Variants in ZSCAN25 observed in about 807,000 individuals in gnomAD.
ZSCAN25 encodes zinc finger and SCAN domain-containing protein 25.
ZSCAN25 carries 27 observed loss-of-function variants against 38.7 expected under a neutral mutation model. The ratio of observed to expected loss-of-function variants is 0.70; its 90% CI spans 0.51 to 0.96. The LOEUF is 0.96. ZSCAN25 is among the 40% of genes least tolerant of loss of function. The pLI is 0.00. For synonymous variants in ZSCAN25, 273 were observed against 277.7 expected (o/e 0.98, Z 0.17); for missense variants, 637 against 705.9 (o/e 0.90, Z 1.11).
At position 99,629,244 on chromosome 7, in the gene ZSCAN25, G is replaced by A. The variant is rs1035458399; in HGVS notation, c.859G>A (p.Ala287Thr). 5.6e-6 allele frequency: 9 copies of A among 1,613,960 alleles called. No individual in the cohort carries two copies. The highest frequency in any genetic ancestry group is 1.7e-5 in the Admixed American group (1 of 59,990). The part of the protein sequence containing the change: ...AKPPQEDLKG[A>T]LVALTSERFG... ...ACCCCCACAGGAAGACCTGAAAGGG[G>A]CGCTGGTGGCACTGACATCAGAGAG... The change falls in exon 8 of 8, where the codon GCG becomes ACG. Residue 287 changes from alanine (A) to threonine (T), a missense_variant. Ala to Thr is a moderately conservative substitution (Grantham distance 58). Transcript: ENST00000394152. The surrounding 1 kb of genome is among the most constrained non-coding windows in gnomAD (Gnocchi z 5.6).
the ZSCAN25 span, among the ~76,000 whole-genome samples, chr7:99,687,680 GAT>G: frequency 2.9e-4 from 44 of 152,282 alleles, no homozygotes; most frequent in South Asian, 4.8e-3. Flanking sequence ...ATGTCAAAAA[GAT>G]ACTCCTCGAG....
the ZSCAN25 span, among the ~76,000 whole-genome samples, chr7:99,673,462 C>G: frequency 6.6e-6 from 1 of 152,210 alleles, no homozygotes; most frequent in Non-Finnish European, 1.5e-5. Context: ...TATTCAGCAT[C>G]TCTTCTTCAA....
At position 99,630,229 on chromosome 7, in the gene ZSCAN25, C is replaced by A. The variant is rs891716284; in HGVS notation, c.*209C>A. 23 of 1,349,150 alleles carry A rather than the reference C, an allele frequency of 1.7e-5. No individual in the cohort carries two copies. Among genetic ancestry groups the A allele is most frequent in the Non-Finnish European group, 2.1e-5 (22 of 1,056,224 alleles). 83.6% of individuals were successfully genotyped at this position (1,349,150 alleles called of 1,614,324 possible). A position where few individuals can be genotyped will look rare whatever the true frequency, so the allele number is the denominator to read the frequency against. On this transcript the variant is annotated 3_prime_UTR_variant, in exon 8 of 8. Transcript: ENST00000394152. ...CAAGTGGTGCTAAACAATTTTTCTT[C>A]CAATGTTTGAGGGAAGCAGTCTCCT...
At chr7:99,711,914 CT>C in the ZSCAN25 span, among the ~76,000 whole-genome samples, 1 of 152,202 alleles carries the variant, frequency 6.6e-6, no homozygotes. Flanking sequence ...TGGATTATAT[CT>C]TTGAGAGGCA....
chr7:99,672,807 A>T, the ZSCAN25 span: 1 of 1,519,548 alleles, frequency 6.6e-7, no homozygotes, highest in Non-Finnish European at 8.8e-7. Flanking sequence ...ACACACAGCA[A>T]CCTTAGGTTC....
chr7:99,714,015 A>G, the ZSCAN25 span, among the ~76,000 whole-genome samples: 2 of 152,126 alleles, frequency 1.3e-5, no homozygotes, highest in South Asian at 4.1e-4. Flanking sequence ...TCATGAAGGC[A>G]AAGCTGAGTT....
chr7:99,700,554 C>T, the ZSCAN25 span, among the ~76,000 whole-genome samples: 1 of 152,198 alleles, frequency 6.6e-6, no homozygotes, highest in South Asian at 2.1e-4. Flanking sequence ...TCCTTACCAA[C>T]CTCCTCACAC....
chr7:99,724,018 A>G, the ZSCAN25 span, among the ~76,000 whole-genome samples: 1 of 152,062 alleles, frequency 6.6e-6, no homozygotes, highest in Non-Finnish European at 1.5e-5. Flanking sequence ...GGTCACAAGT[A>G]TCACCTTCCC....
chr7:99,697,429 CAG>C, the ZSCAN25 span, among the ~76,000 whole-genome samples: 3 of 152,102 alleles, frequency 2.0e-5, no homozygotes. Flanking sequence ...AGGTTGGTCC[CAG>C]AGAGGCAAAT....
chr7:99,714,688 G>T, the ZSCAN25 span: 28 of 1,429,470 alleles, frequency 2.0e-5, no homozygotes, highest in East Asian at 5.3e-5. Context: ...GACTTCTGTA[G>T]AAAAAAAAAA....
At chr7:99,691,572 G>C in the ZSCAN25 span, among the ~76,000 whole-genome samples, 1 of 152,134 alleles carries the variant, frequency 6.6e-6, no homozygotes, top group Non-Finnish European at 1.5e-5. Context: ...ATGAATCTGG[G>C]TGCTCCTGTA....
intron 7 of ZSCAN25, 100 bp downstream of exon 7, chr7:99,624,280 CT>C (rs1426049949): frequency 8.5e-6 from 13 of 1,524,338 alleles, no homozygotes; most frequent in Non-Finnish European, 1.2e-5. Context: ...AGGAAGGGGA[CT>C]TCATGGCAGG....
chr7:99,701,090 A>G, the ZSCAN25 span, among the ~76,000 whole-genome samples: 1 of 152,200 alleles, frequency 6.6e-6, no homozygotes, highest in African/African-American at 2.4e-5. Context: ...AGCATTCATC[A>G]TGTATTCTAA....
the ZSCAN25 span, chr7:99,638,288 G>A: frequency 5.6e-6 from 9 of 1,605,210 alleles, no homozygotes; most frequent in South Asian, 3.3e-5. Flanking sequence ...CACAGAGTCC[G>A]TCCCCTGAGG....
At chr7:99,655,990 G>A in the ZSCAN25 span, among the ~76,000 whole-genome samples, 1 of 152,168 alleles carries the variant, frequency 6.6e-6, no homozygotes, top group African/African-American at 2.4e-5. Flanking sequence ...CTGAGACGAT[G>A]GGGTTTTCTA....
the ZSCAN25 span, among the ~76,000 whole-genome samples, chr7:99,729,186 G>A: frequency 6.6e-6 from 1 of 151,854 alleles, no homozygotes; most frequent in Non-Finnish European, 1.5e-5. Context: ...TCTGTTATTC[G>A]GGACTTGTGT....
chr7:99,720,514 C>T, the ZSCAN25 span: 1 of 1,275,808 alleles, frequency 7.8e-7, no homozygotes, highest in Non-Finnish European at 1.1e-6. Flanking sequence ...ACATAATCCT[C>T]TAGATGTACA....
the ZSCAN25 span, among the ~76,000 whole-genome samples, chr7:99,729,266 T>A: frequency 6.6e-6 from 1 of 152,162 alleles, no homozygotes; most frequent in Non-Finnish European, 1.5e-5. Context: ...ACAACAAATA[T>A]TACTTTTAAC....
At chr7:99,658,501 G>A in the ZSCAN25 span, among the ~76,000 whole-genome samples, 2 of 151,884 alleles carry the variant, frequency 1.3e-5, no homozygotes, top group Non-Finnish European at 2.9e-5. Flanking sequence ...CTTTCTCTCT[G>A]GCTGCCCTTA....
Sources: allele counts gnomAD v4.1 joint callset (sites outside exome capture counted in the v4.1 genomes callset), GRCh38; gene constraint gnomAD v4.1.1; non-coding constraint Gnocchi (gnomAD v3.1); transcripts MANE v1.5; gene names NCBI Gene and HGNC (gene_info 2026-07-23, HGNC 2026-07-21).